PRKN: variants seen among roughly 807,000 people sequenced by gnomAD.
PRKN encodes E3 ubiquitin-protein ligase parkin.
In PRKN, 56 loss-of-function variants were observed where a neutral mutation model predicts 59.5. That is an observed-to-expected ratio of 0.94 (90% confidence interval 0.76 to 1.18). The LOEUF is 1.18. PRKN is among the 50% of genes most tolerant of loss of function. The pLI is 0.00. For synonymous variants in PRKN, 250 were observed against 222.1 expected (o/e 1.13, Z -1.12); for missense variants, 657 against 596.4 (o/e 1.10, Z -1.06).
At chr6:162,698,785 A>G (rs1778056129) in intron 1 of PRKN, among the ~76,000 whole-genome samples, 1 of 152,192 alleles carries the variant, frequency 6.6e-6, no homozygotes, top group Non-Finnish European at 1.5e-5. Context: ...TTGGAGGGAC[A>G]TGCATTCCAG....
intron 2 of PRKN, among the ~76,000 whole-genome samples, chr6:162,400,245 AAAG>A (rs1479330076): frequency 2.6e-5 from 4 of 151,766 alleles, no homozygotes; most frequent in Non-Finnish European, 4.4e-5. Context: ...AAAAAAAAAC[AAAG>A]AAGATTTGAA....
At chr6:162,207,802 T>C (rs936904414) in intron 3 of PRKN, among the ~76,000 whole-genome samples, 1 of 152,178 alleles carries the variant, frequency 6.6e-6, no homozygotes, top group Non-Finnish European at 1.5e-5. Context: ...TCCAAATGGC[T>C]AGTGAAGTTC....
intron 6 of PRKN, among the ~76,000 whole-genome samples, chr6:161,932,357 A>G (rs1443650631): frequency 6.6e-6 from 1 of 152,158 alleles, no homozygotes; most frequent in Non-Finnish European, 1.5e-5. Flanking sequence ...ATATTTTTAT[A>G]TCAACTATAA....
chr6:161,789,956 C>A (rs1055082059), intron 6 of PRKN, among the ~76,000 whole-genome samples: 5 of 151,702 alleles, frequency 3.3e-5, no homozygotes, highest in Non-Finnish European at 7.3e-5. Flanking sequence ...AAAGTAGGCA[C>A]TTAGTAAATG....
At chr6:161,921,032 T>C (rs1001355183) in intron 6 of PRKN, among the ~76,000 whole-genome samples, 2 of 152,192 alleles carry the variant, frequency 1.3e-5, no homozygotes, top group African/African-American at 4.8e-5. Flanking sequence ...CTTCTTAATT[T>C]TTAAAACTCT....
intron 1 of PRKN, among the ~76,000 whole-genome samples, chr6:162,459,617 T>C (rs1484454514): frequency 6.6e-6 from 1 of 152,212 alleles, no homozygotes; most frequent in Admixed American, 6.5e-5. Flanking sequence ...GCTTCTCAAC[T>C]TTCTTGCTTT....
chr6:162,696,700 T>C (rs1777983664), intron 1 of PRKN, among the ~76,000 whole-genome samples: 2 of 150,912 alleles, frequency 1.3e-5, no homozygotes, highest in Non-Finnish European at 2.9e-5. Flanking sequence ...TGTGCCACCA[T>C]GCCCAGCTAA....
intron 7 of PRKN, chr6:161,716,211 T>G (rs1786971715): frequency 3.1e-6 from 2 of 652,720 alleles, no homozygotes; most frequent in Non-Finnish European, 4.9e-6. Flanking sequence ...TTTCATATTA[T>G]TGCTGTTGGA....
In PRKN at chr6:161,395,237, G is replaced by A. The variant is rs868322644; in HGVS notation, c.1084-8360C>T. Among the ~76,000 whole-genome samples the A allele has an allele frequency of 6.6e-6, 1 of 152,048 alleles. No homozygotes were observed. Among genetic ancestry groups the A allele is most frequent in the Non-Finnish European group, 1.5e-5 (1 of 68,022 alleles). ...CCTATAAAACATTGTATAATGTGCT[G>A]TACTCTGCTTGTTGGTTTTTCGTTT... On this transcript the variant is annotated intron_variant, in intron 9 of 11. Transcript: ENST00000366898. The surrounding 1 kb of genome is among the most constrained non-coding windows in gnomAD (Gnocchi z 5.0).
chr6:162,586,737 A>C (rs578191317), intron 1 of PRKN, among the ~76,000 whole-genome samples: 1 of 151,088 alleles, frequency 6.6e-6, no homozygotes, highest in African/African-American at 2.4e-5. Context: ...ACAGAAAAAG[A>C]AGTTCTGTAA....
At chr6:161,774,677 GCCCCTTGGCCAACCC>G (rs1394570233) in intron 7 of PRKN, among the ~76,000 whole-genome samples, 8 of 152,146 alleles carry the variant, frequency 5.3e-5, no homozygotes, top group Admixed American at 5.2e-4. Context: ...TGGAGCAGAG[GCCCCTTGGCCAACCC>G]ACACTGGACC....
chr6:162,240,705 T>C (rs1778949126), intron 3 of PRKN, among the ~76,000 whole-genome samples: 1 of 152,308 alleles, frequency 6.6e-6, no homozygotes, highest in Admixed American at 6.5e-5. Context: ...GCTGTATAAT[T>C]GCGTCCAAAT....
chr6:162,140,403 T>C (rs1781726154), intron 4 of PRKN, among the ~76,000 whole-genome samples: 1 of 152,224 alleles, frequency 6.6e-6, no homozygotes, highest in Non-Finnish European at 1.5e-5. Flanking sequence ...ATATAAATTG[T>C]GTTTGGCTGC....
chr6:162,419,829 G>A (rs1788860769), intron 2 of PRKN, among the ~76,000 whole-genome samples: 3 of 152,012 alleles, frequency 2.0e-5, no homozygotes, highest in South Asian at 4.2e-4. Context: ...GAGAGAGAGA[G>A]AACCATTTTA....
chr6:161,372,931 G>C lies in PRKN; in HGVS notation c.1168-12726C>G, dbSNP rs183640352. On this transcript the variant is annotated intron_variant, in intron 10 of 11. Transcript: ENST00000366898. This position sits in a 1 kb window ranked among gnomAD's most constrained non-coding sequence, Gnocchi z 4.2. ...TCTAGCCTGGAAATCCTGGGCTCTC[G>C]AGTAGCTGGGACTACAGGCACATGC... is the stretch of plus-strand genomic sequence containing the variant. Among the ~76,000 whole-genome samples, 1 of 150,294 alleles carries C rather than the reference G, an allele frequency of 6.7e-6. No homozygotes were observed. Among genetic ancestry groups the C allele is most frequent in the African/African-American group, 2.5e-5 (1 of 40,728 alleles).
intron 9 of PRKN, among the ~76,000 whole-genome samples, chr6:161,476,321 A>C (rs1791080297): frequency 6.6e-6 from 1 of 152,294 alleles, no homozygotes; most frequent in Admixed American, 6.5e-5. Context: ...TTACATCCTA[A>C]AAAAAGCTGC....
chr6:162,198,933 T>A (rs1161333626), intron 4 of PRKN, among the ~76,000 whole-genome samples: 1 of 152,196 alleles, frequency 6.6e-6, no homozygotes, highest in Non-Finnish European at 1.5e-5. Flanking sequence ...GTTTTTCTAT[T>A]TTTTTCCCAC....
At chr6:162,031,373 G>A (rs1318629871) in intron 5 of PRKN, among the ~76,000 whole-genome samples, 1 of 151,210 alleles carries the variant, frequency 6.6e-6, no homozygotes, top group Non-Finnish European at 1.5e-5. Flanking sequence ...ATTATTGGTT[G>A]AGCCCCATCC....
intron 6 of PRKN, among the ~76,000 whole-genome samples, chr6:161,920,122 G>A (rs576113902): frequency 9.8e-5 from 15 of 152,306 alleles, no homozygotes; most frequent in Non-Finnish European, 1.6e-4. Context: ...GCTGGTTCAC[G>A]CCTATAATCC....
Sources: allele counts gnomAD v4.1 joint callset (sites outside exome capture counted in the v4.1 genomes callset), GRCh38; gene constraint gnomAD v4.1.1; non-coding constraint Gnocchi (gnomAD v3.1); transcripts MANE v1.5; gene names NCBI Gene and HGNC (gene_info 2026-07-23, HGNC 2026-07-21).